Variants in COL22A1 observed in about 807,000 individuals in gnomAD.
COL22A1 encodes the protein collagen type XXII alpha 1 chain.
COL22A1 carries 221 observed loss-of-function variants against 248.9 expected under a neutral mutation model. That is an observed-to-expected ratio of 0.89 (90% confidence interval 0.80 to 0.99). The LOEUF (loss-of-function observed/expected upper bound fraction) is 0.99, where lower values mean the gene tolerates loss of function less well. Ranked by LOEUF, COL22A1 falls within the 50% of genes least tolerant of loss-of-function variation. The probability of loss-of-function intolerance (pLI) is 0.00; values close to 1 mark genes in which losing one functional copy is unlikely to be tolerated. For synonymous variants in COL22A1, 891 were observed against 793.4 expected (o/e 1.12, Z -2.07); for missense variants, 2,240 against 2,179.0 (o/e 1.03, Z -0.56).
chr8:138,700,280 C>G (rs1001196002), intron 31 of COL22A1, 136 bp from the exon 32 acceptor site: 1 of 763,934 alleles, frequency 1.3e-6, no homozygotes, highest in African/African-American at 1.8e-5. Flanking sequence ...TTAGTTTTGA[C>G]AATTAGATTC....
intron 1 of COL22A1, among the ~76,000 whole-genome samples, chr8:138,909,829 G>A (rs985595465): frequency 3.9e-5 from 6 of 152,204 alleles, no homozygotes; most frequent in Admixed American, 2.0e-4. Context: ...GTGCCAGGAT[G>A]TTAGCCCTGC....
intron 2 of COL22A1, among the ~76,000 whole-genome samples, chr8:138,882,410 A>G (rs535475945): frequency 1.3e-3 from 108 of 81,238 alleles, no homozygotes; most frequent in African/African-American, 3.2e-3. Flanking sequence ...ACTCACACAT[A>G]TTCTCTCACA....
At chr8:138,767,494 G>C (rs1184000980) in intron 16 of COL22A1, among the ~76,000 whole-genome samples, 1 of 152,044 alleles carries the variant, frequency 6.6e-6, no homozygotes, top group Non-Finnish European at 1.5e-5. Context: ...ACACAAAAAA[G>C]GAAAAAGCCA....
intron 2 of COL22A1, among the ~76,000 whole-genome samples, chr8:138,880,258 A>G (rs540633809): frequency 2.0e-5 from 3 of 152,334 alleles, no homozygotes; most frequent in African/African-American, 7.2e-5. Context: ...GCATGGATAC[A>G]CTTTTCCAAT....
chr8:138,710,545 G>A (rs372259750), intron 30 of COL22A1, among the ~76,000 whole-genome samples: 6 of 151,920 alleles, frequency 3.9e-5, no homozygotes, highest in African/African-American at 1.4e-4. Context: ...GGTTTAAGTA[G>A]TTTCCATGTG....
rs199555238 is a variant in COL22A1, at chr8:138,636,774, C to A, written c.3523G>T (p.Ala1175Ser). ...GPQGSQGERGADGEVGQKGDQ... is the reference protein window; with the variant it reads ...GPQGSQGERGSDGEVGQKGDQ... Reference sequence around the variant, plus strand: ...CCTTTCTGCCCAACCTCACCATCTGCACCACGTTCTCCTTGACTTCCCTTG... The same window carrying A: ...CCTTTCTGCCCAACCTCACCATCTGAACCACGTTCTCCTTGACTTCCCTTG... The change falls in exon 48 of 65, where the codon GCA (alanine) becomes TCA (serine). Residue 1175 changes from alanine to serine, a missense_variant. Physicochemically the swap from Ala to Ser is moderately conservative, Grantham distance 99. Coordinates refer to ENST00000303045, the MANE Select transcript of COL22A1 (RefSeq NM_152888.3). 8 of 1,613,560 alleles carry A rather than the reference C, an allele frequency of 5.0e-6. No homozygotes were observed. The Admixed American group carries it at 1.2e-4, about 24-fold the overall frequency.
chr8:138,656,657 A>C (rs1223969740), intron 44 of COL22A1, among the ~76,000 whole-genome samples: 1 of 152,204 alleles, frequency 6.6e-6, no homozygotes, highest in Non-Finnish European at 1.5e-5. Context: ...AAGGCTAGGA[A>C]GGAAAATGGA....
In COL22A1 at chr8:138,811,994, C is replaced by G; in HGVS notation, c.1327-73G>C. 3 of 1,451,716 alleles carry G rather than the reference C, an allele frequency of 2.1e-6. No individual in the cohort carries two copies. In the South Asian group the frequency reaches 4.3e-5, roughly 21 times the overall value. The allele number at this position is 1,451,716 out of a possible 1,614,324, so 89.9% of individuals were successfully genotyped here. A position where few individuals can be genotyped will look rare whatever the true frequency, so the allele number is the denominator to read the frequency against. Reference sequence around the variant, plus strand: ...GCACTCCCTGGCAGAAGCACAGTGTCGGGTGCTTCCTCAGAACCAGGCAGC... The same window carrying G: ...GCACTCCCTGGCAGAAGCACAGTGTGGGGTGCTTCCTCAGAACCAGGCAGC... On this transcript the variant is annotated intron_variant, in intron 8 of 64. Coordinates refer to ENST00000303045, the MANE Select transcript of COL22A1 (RefSeq NM_152888.3).
chr8:138,670,803 A>AT (rs1355753635), intron 41 of COL22A1, among the ~76,000 whole-genome samples: 1 of 151,860 alleles, frequency 6.6e-6, no homozygotes, highest in South Asian at 2.1e-4. Flanking sequence ...CTATAAAAAA[A>AT]CACAAAAATT....
At chr8:138,661,007 G>GAC (rs551830126) in intron 43 of COL22A1, among the ~76,000 whole-genome samples, 90,571 of 136,148 alleles carry the variant, frequency 0.67, 30,492 homozygotes, top group Middle Eastern at 0.78. Flanking sequence ...CACATACACA[G>GAC]ACACACACAC....
chr8:138,851,255 A>G (rs1447883781), intron 3 of COL22A1, among the ~76,000 whole-genome samples: 1 of 152,208 alleles, frequency 6.6e-6, no homozygotes, highest in Non-Finnish European at 1.5e-5. Flanking sequence ...CAGTCCACCC[A>G]TGGGAAGAGC....
At chr8:138,700,753 G>C (rs1310125058) in intron 31 of COL22A1, among the ~76,000 whole-genome samples, 1 of 152,198 alleles carries the variant, frequency 6.6e-6, no homozygotes, top group Admixed American at 6.5e-5. Context: ...GGGAGGCCAA[G>C]GCGGGCGGAT....
intron 47 of COL22A1, among the ~76,000 whole-genome samples, chr8:138,646,038 C>A (rs2130503104): frequency 6.6e-6 from 1 of 152,292 alleles, no homozygotes; most frequent in Middle Eastern, 3.4e-3. Context: ...CAGCCCCAGC[C>A]CTAGAACATT....
chr8:138,600,228 A>G (rs1817888757), intron 60 of COL22A1, among the ~76,000 whole-genome samples: 1 of 152,220 alleles, frequency 6.6e-6, no homozygotes, highest in Non-Finnish European at 1.5e-5. Flanking sequence ...TGGTCTGAAA[A>G]TATGGCAGCC....
intron 30 of COL22A1, among the ~76,000 whole-genome samples, chr8:138,709,337 A>G (rs1828751774): frequency 6.6e-6 from 1 of 152,132 alleles, no homozygotes; most frequent in Non-Finnish European, 1.5e-5. Flanking sequence ...ACACATGCAC[A>G]CGTATGTTTA....
chr8:138,812,808 T>A (rs1037551629), intron 8 of COL22A1, 131 bp downstream of exon 8: 14 of 734,750 alleles, frequency 1.9e-5, no homozygotes, highest in Non-Finnish European at 3.4e-5. Context: ...CTAAGCTCCC[T>A]CTCAGGCCAT....
At chr8:138,662,111 C>T in intron 42 of COL22A1, 28 bp from the exon 43 acceptor site, 1 of 1,602,056 alleles carries the variant, frequency 6.2e-7, no homozygotes, top group Non-Finnish European at 8.5e-7. Flanking sequence ...AAGACACTGA[C>T]ACCCTACAAT....
In COL22A1 at chr8:138,649,665, C is replaced by T. The variant is rs201154735; in HGVS notation, c.3447G>A (p.Lys1149=). Reference sequence around the variant, plus strand: ...ATCGAGTTTCCCCTTTTCTCCTTACCTTTTTCCCTTCTGTGCCTTCTCTCC... The same window carrying T: ...ATCGAGTTTCCCCTTTTCTCCTTACTTTTTTCCCTTCTGTGCCTTCTCTCC... ...KPGREGTEGK[K]GEAGPPGLPG... The change falls in exon 46 of 65, where the codon AAG becomes AAA. Residue 1149 remains lysine (K), a splice_region_variant and synonymous_variant. Transcript: ENST00000303045. 5 of 1,612,036 alleles carry T rather than the reference C, an allele frequency of 3.1e-6. No individual in the cohort carries two copies. Among genetic ancestry groups the T allele is most frequent in the Middle Eastern group, 1.7e-4 (1 of 6,054 alleles).
Position 138,766,499 on chromosome 8 carries a change from C to CAG in COL22A1, c.1804-4035_1804-4034dup, listed in dbSNP as rs142588161. On this transcript the variant is annotated intron_variant, in intron 16 of 64. Coordinates refer to ENST00000303045, the MANE Select transcript of COL22A1 (RefSeq NM_152888.3). Reference sequence around the variant, plus strand: ...AGAGACAGAGACAGATACAGAGACACAGAGAGAGAGACTCAGTAACAGAAA... The same window carrying CAG: ...AGAGACAGAGACAGATACAGAGACACAGAGAGAGAGAGACTCAGTAACAGAAA... Among the ~76,000 whole-genome samples, 9 of 151,668 alleles carry CAG rather than the reference C, an allele frequency of 5.9e-5. No individual in the cohort carries two copies. In the East Asian group the frequency reaches 7.8e-4, roughly 13 times the overall value.
Sources: gnomAD v4.1 joint callset for allele counts (sites outside exome capture counted in the v4.1 genomes callset) on GRCh38, gnomAD v4.1.1 for gene constraint, MANE v1.5 for transcripts, NCBI Gene and HGNC (gene_info 2026-07-23, HGNC 2026-07-21) for gene names.